KIF6: variants seen among roughly 807,000 people sequenced by gnomAD.
KIF6 encodes the protein kinesin-like protein KIF6.
KIF6 carries 106 observed loss-of-function variants against 112.7 expected under a neutral mutation model. The ratio of observed to expected loss-of-function variants is 0.94; its 90% CI spans 0.80 to 1.11. The LOEUF (loss-of-function observed/expected upper bound fraction) is 1.11. Ranked by LOEUF, KIF6 falls within the 50% of genes least tolerant of loss-of-function variation. The probability of loss-of-function intolerance (pLI) is 0.00; values close to 1 mark genes in which losing one functional copy is unlikely to be tolerated. For synonymous variants in KIF6, 339 were observed against 339.9 expected, an observed-to-expected ratio of 1.00 and a Z score of 0.03; for missense variants, 929 against 964.0, an observed-to-expected ratio of 0.96 and a Z score of 0.48.
intron 10 of KIF6, among the ~76,000 whole-genome samples, chr6:39,567,523 G>T (rs771728461): frequency 7.2e-5 from 11 of 152,082 alleles, no homozygotes; most frequent in Non-Finnish European, 1.3e-4. Flanking sequence ...AGTATTTCCA[G>T]TAATTCCTCA....
chr6:39,445,003 T>C (rs1772214775), intron 13 of KIF6, among the ~76,000 whole-genome samples: 1 of 152,174 alleles, frequency 6.6e-6, no homozygotes, highest in Admixed American at 6.5e-5. Flanking sequence ...GTCTGGGTTA[T>C]GGAGCAGGGG....
chr6:39,652,581 G>C (rs150883913), intron 3 of KIF6, among the ~76,000 whole-genome samples: 2 of 151,444 alleles, frequency 1.3e-5, no homozygotes, highest in African/African-American at 4.8e-5. Context: ...AAAAACTTTA[G>C]TCTTAAAGCA....
intron 13 of KIF6, among the ~76,000 whole-genome samples, chr6:39,523,968 G>C (rs948578774): frequency 7.9e-5 from 12 of 152,070 alleles, no homozygotes; most frequent in African/African-American, 2.7e-4. Flanking sequence ...TGCTCCTTTA[G>C]TTAAGGATAG....
At chr6:39,582,680 G>A (rs577471513) in intron 9 of KIF6, among the ~76,000 whole-genome samples, 4 of 152,152 alleles carry the variant, frequency 2.6e-5, no homozygotes, top group Non-Finnish European at 5.9e-5. Context: ...CTCCCAAAGT[G>A]CTGGGATTAC....
At chr6:39,377,961 A>G (rs1766584826) in intron 16 of KIF6, among the ~76,000 whole-genome samples, 1 of 152,200 alleles carries the variant, frequency 6.6e-6, no homozygotes, top group African/African-American at 2.4e-5. Context: ...CCCAAGAGGT[A>G]GTATTCGTGG....
intron 6 of KIF6, among the ~76,000 whole-genome samples, chr6:39,600,665 C>G (rs1387340421): frequency 6.6e-6 from 1 of 152,212 alleles, no homozygotes; most frequent in Admixed American, 6.5e-5. Flanking sequence ...TTACTCTGCT[C>G]TCTTCTTTGC....
intron 13 of KIF6, among the ~76,000 whole-genome samples, chr6:39,451,151 C>T (rs989521093): frequency 1.3e-5 from 2 of 152,150 alleles, no homozygotes; most frequent in African/African-American, 2.4e-5. Context: ...TCAGTGGCCA[C>T]TATATGTCAG....
At chr6:39,720,847 G>T in intron 1 of KIF6, 36 bp from the exon 2 acceptor site, 2 of 895,486 alleles carry the variant, frequency 2.2e-6, no homozygotes, top group Non-Finnish European at 3.8e-6. Context: ...ATATAAAATG[G>T]TGAAATTATG....
chr6:39,338,752 C>G (rs1257422576), intron 22 of KIF6, among the ~76,000 whole-genome samples: 1 of 152,160 alleles, frequency 6.6e-6, no homozygotes, highest in Non-Finnish European at 1.5e-5. Flanking sequence ...CAAGGACTGG[C>G]AGGGCAAGAG....
At chr6:39,337,179 CT>C (rs1763025389) in intron 22 of KIF6, among the ~76,000 whole-genome samples, 4 of 70,490 alleles carry the variant, frequency 5.7e-5, no homozygotes, top group Admixed American at 3.1e-4. Flanking sequence ...TTCCTTCTTT[CT>C]TTCTTTCTTT....
intron 5 of KIF6, among the ~76,000 whole-genome samples, chr6:39,620,750 T>TTTTATATA (rs1783769739): frequency 6.7e-6 from 1 of 148,528 alleles, no homozygotes; most frequent in Admixed American, 6.8e-5. Context: ...CTTAACAACA[T>TTTTATATA]TTTATTTATT....
At chr6:39,436,595 T>C (rs1032459188) in intron 13 of KIF6, among the ~76,000 whole-genome samples, 34 of 152,276 alleles carry the variant, frequency 2.2e-4, no homozygotes, top group African/African-American at 8.2e-4. Flanking sequence ...GGCTATCCAA[T>C]TTTCCAAGTA....
intron 10 of KIF6, among the ~76,000 whole-genome samples, chr6:39,552,512 G>T (rs1779442778): frequency 6.6e-6 from 1 of 152,164 alleles, no homozygotes. Context: ...GAAACACTGA[G>T]ATTTGAAAAC....
At chr6:39,452,139 T>C (rs138608114) in intron 13 of KIF6, among the ~76,000 whole-genome samples, 2 of 152,278 alleles carry the variant, frequency 1.3e-5, no homozygotes, top group East Asian at 1.9e-4. Flanking sequence ...TTGTCTTTAA[T>C]CCAGAAGCAG....
chr6:39,642,578 A>C (rs1180884612), intron 3 of KIF6, among the ~76,000 whole-genome samples: 3 of 152,176 alleles, frequency 2.0e-5, no homozygotes, highest in South Asian at 2.1e-4. Context: ...CCTGATTCAG[A>C]GTTCACTCAG....
intron 3 of KIF6, among the ~76,000 whole-genome samples, chr6:39,642,240 T>C (rs1784943446): frequency 6.6e-6 from 1 of 152,156 alleles, no homozygotes; most frequent in Non-Finnish European, 1.5e-5. Flanking sequence ...CAAAATCAAC[T>C]TTTTCAGAAC....
At chr6:39,556,874 C>A (rs999047642) in intron 10 of KIF6, among the ~76,000 whole-genome samples, 4 of 152,170 alleles carry the variant, frequency 2.6e-5, no homozygotes, top group Admixed American at 6.5e-5. Flanking sequence ...GTAGTGGAAG[C>A]TTTACCCATC....
At position 39,695,949 on chromosome 6, in the gene KIF6, T is replaced by C. The variant is rs560790945; in HGVS notation, c.251+18743A>G. Among the ~76,000 whole-genome samples, 4 of 152,334 alleles carry C rather than the reference T, an allele frequency of 2.6e-5. No individual in the cohort carries two copies. The East Asian group carries it at 5.8e-4, about 22-fold the overall frequency. On this transcript the variant is annotated intron_variant, in intron 3 of 22. Coordinates refer to ENST00000287152, the MANE Select transcript of KIF6 (RefSeq NM_145027.6). ...AAGAAAATGTGGTATATATACACCATGGAATACCACACAGCCATAAAAAAG... is the reference window on the plus strand; with the variant it reads ...AAGAAAATGTGGTATATATACACCACGGAATACCACACAGCCATAAAAAAG...
intron 1 of KIF6, 116 bp from the exon 2 acceptor site, chr6:39,720,927 A>G (rs912686947): frequency 1.4e-4 from 82 of 591,296 alleles, no homozygotes; most frequent in Middle Eastern, 8.8e-4. Context: ...TTAAAAAGTC[A>G]TAATATCATA....
Sources: allele counts gnomAD v4.1 joint callset (sites outside exome capture counted in the v4.1 genomes callset), GRCh38; gene constraint gnomAD v4.1.1; transcripts MANE v1.5; gene names NCBI Gene and HGNC (gene_info 2026-07-23, HGNC 2026-07-21).